The following AMPH variants were observed in gnomAD, a reference collection of about 807,000 sequenced individuals.
AMPH encodes the protein amphiphysin, also known as amphiphysin (Stiff-Mann syndrome with breast cancer 128kD autoantigen).
A neutral mutation model predicts 99.1 loss-of-function variants in AMPH; 49 were observed. The observed-to-expected ratio is 0.49, with a 90% CI of 0.39 to 0.63. The LOEUF is 0.63. Ranked by LOEUF, AMPH falls within the 20% of genes least tolerant of loss-of-function variation. The pLI is 0.00. For synonymous variants in AMPH, 314 were observed against 317.3 expected (o/e 0.99, Z 0.11); for missense variants, 759 against 863.4 (o/e 0.88, Z 1.52).
chr7:38,518,276 G>A (rs1239990771), intron 2 of AMPH, among the ~76,000 whole-genome samples: 1 of 152,232 alleles, frequency 6.6e-6, no homozygotes, highest in Non-Finnish European at 1.5e-5. Flanking sequence ...ACTTGCCACA[G>A]AAGCAGAGGT....
chr7:38,570,980 TATTCAATATATATATATTC>T lies in AMPH; in HGVS notation c.70-35988_70-35970del, dbSNP rs1192592565. Among the ~76,000 whole-genome samples, 15 of 12,612 alleles carry T rather than the reference TATTCAATATATATATATTC, an allele frequency of 1.2e-3. 1 individual carries two copies. Among genetic ancestry groups the T allele is most frequent in the African/African-American group, 4.6e-3 (15 of 3,266 alleles). The allele number at this position is 12,612 out of a possible 152,430, so 8.3% of individuals were successfully genotyped here. A position where few individuals can be genotyped will look rare whatever the true frequency, so the allele number is the denominator to read the frequency against. The stretch of plus-strand genomic sequence containing the variant: ...AGAATATATATATAGAATATATATA[TATTCAATATATATATATTC>T]ATATATATAGAATATATATATTCAT... On this transcript the variant is annotated intron_variant, in intron 1 of 20. Transcript: ENST00000356264.
intron 1 of AMPH, among the ~76,000 whole-genome samples, chr7:38,577,717 A>C (rs1330556601): frequency 1.3e-5 from 2 of 151,642 alleles, no homozygotes; most frequent in Non-Finnish European, 1.5e-5. Context: ...AGGAAAGGAG[A>C]AAAGAAGGAA....
At chr7:38,534,785 A>C in intron 2 of AMPH, 146 bp downstream of exon 2, 1 of 681,886 alleles carries the variant, frequency 1.5e-6, no homozygotes, top group Non-Finnish European at 2.5e-6. Context: ...TTCAATAGGA[A>C]ATTCTCCAGA....
At chr7:38,466,595 A>G (rs2129010604) in intron 7 of AMPH, among the ~76,000 whole-genome samples, 1 of 152,054 alleles carries the variant, frequency 6.6e-6, no homozygotes, top group East Asian at 1.9e-4. Flanking sequence ...ATGAGTTTCT[A>G]GGTGATAACT....
At chr7:38,629,661 C>A (rs1267668286) in intron 1 of AMPH, among the ~76,000 whole-genome samples, 1 of 152,160 alleles carries the variant, frequency 6.6e-6, no homozygotes, top group Non-Finnish European at 1.5e-5. Context: ...AAAGTGGATT[C>A]AGTGAAAAGC....
intron 5 of AMPH, among the ~76,000 whole-genome samples, chr7:38,482,900 C>T (rs1276214228): frequency 6.6e-6 from 1 of 151,986 alleles, no homozygotes; most frequent in Non-Finnish European, 1.5e-5. Context: ...ACTCTCCTTC[C>T]CCACAAACAT....
In AMPH at chr7:38,504,284, A is replaced by G. The variant is rs368446671; in HGVS notation, c.151-580T>C. Among the ~76,000 whole-genome samples, 6 of 152,328 alleles carry G rather than the reference A, an allele frequency of 3.9e-5. No homozygotes were observed. In the East Asian group the frequency reaches 1.2e-3, roughly 29 times the overall value. On this transcript the variant is annotated intron_variant, in intron 2 of 20. Transcript: ENST00000356264. ...GGATGTAGCCACTAGAAAATTCTAA[A>G]CTATGTAGTTTGCATTATATTTTTA...
intron 5 of AMPH, among the ~76,000 whole-genome samples, chr7:38,485,432 A>G (rs1788451594): frequency 6.6e-6 from 1 of 151,960 alleles, no homozygotes; most frequent in African/African-American, 2.4e-5. Context: ...TACAGCAATT[A>G]TAAATATAAA....
intron 1 of AMPH, among the ~76,000 whole-genome samples, chr7:38,571,528 T>C (rs1385044053): frequency 7.3e-6 from 1 of 137,582 alleles, no homozygotes; most frequent in African/African-American, 2.7e-5. Context: ...TTCTATAAAA[T>C]ATATATATTC....
At chr7:38,499,700 G>T (rs1789061755) in intron 3 of AMPH, among the ~76,000 whole-genome samples, 1 of 152,178 alleles carries the variant, frequency 6.6e-6, no homozygotes, top group South Asian at 2.1e-4. Context: ...TGTAAATTAT[G>T]ATCTACTTAA....
At chr7:38,428,901 C>T (rs1456946583) in intron 14 of AMPH, 1 of 813,582 alleles carries the variant, frequency 1.2e-6, no homozygotes, top group Non-Finnish European at 1.8e-6. Flanking sequence ...TAGATCTTTT[C>T]TAGTTTCCAC....
intron 5 of AMPH, among the ~76,000 whole-genome samples, chr7:38,487,436 T>G (rs1189471889): frequency 6.6e-6 from 1 of 152,168 alleles, no homozygotes; most frequent in African/African-American, 2.4e-5. Context: ...GATTCCCTAT[T>G]TAATAAATAG....
chr7:38,586,654 G>A (rs1792659960), intron 1 of AMPH, among the ~76,000 whole-genome samples: 2 of 152,144 alleles, frequency 1.3e-5, no homozygotes, highest in South Asian at 2.1e-4. Context: ...ACAGCAGGTG[G>A]CTCCAACCAG....
chr7:38,480,698 T>C (rs984585482), intron 5 of AMPH, among the ~76,000 whole-genome samples: 1 of 152,078 alleles, frequency 6.6e-6, no homozygotes, highest in Non-Finnish European at 1.5e-5. Context: ...CAGAGTAGAG[T>C]GGAAACCCTT....
intron 7 of AMPH, among the ~76,000 whole-genome samples, chr7:38,474,392 C>A (rs970334975): frequency 3.9e-5 from 6 of 152,052 alleles, no homozygotes; most frequent in African/African-American, 1.4e-4. Flanking sequence ...TAAAAACTAG[C>A]CAAAATTTCA....
intron 2 of AMPH, among the ~76,000 whole-genome samples, chr7:38,505,442 T>C (rs931856447): frequency 3.9e-5 from 6 of 152,190 alleles, no homozygotes; most frequent in Non-Finnish European, 8.8e-5. Context: ...TCAAACAGAA[T>C]GGTTCTATTC....
chr7:38,432,363 C>G, intron 12 of AMPH, 151 bp from the exon 13 acceptor site: 1 of 671,432 alleles, frequency 1.5e-6, no homozygotes, highest in South Asian at 1.9e-5. Context: ...AGGAAATGAT[C>G]CATATCTGTG....
At chr7:38,415,990 A>C (rs1223062918) in intron 17 of AMPH, among the ~76,000 whole-genome samples, 1 of 151,276 alleles carries the variant, frequency 6.6e-6, no homozygotes, top group East Asian at 1.9e-4. Flanking sequence ...TCTTCCAAAC[A>C]GCTGCTTACC....
At chr7:38,504,382 A>G (rs1354704124) in intron 2 of AMPH, among the ~76,000 whole-genome samples, 1 of 152,220 alleles carries the variant, frequency 6.6e-6, no homozygotes, top group East Asian at 1.9e-4. Context: ...TGGTTTGGAT[A>G]CTTTTTTAGA....
Sources: allele counts gnomAD v4.1 joint callset (sites outside exome capture counted in the v4.1 genomes callset), GRCh38; gene constraint gnomAD v4.1.1; transcripts MANE v1.5; gene names NCBI Gene and HGNC (gene_info 2026-07-23, HGNC 2026-07-21).